The following TLE2 variants were observed in gnomAD, a reference collection of about 807,000 sequenced individuals.
TLE2 encodes the protein TLE family member 2, transcriptional corepressor, also known as transducin-like enhancer protein 2.
TLE2 carries 74 observed loss-of-function variants against 97.2 expected under a neutral mutation model. That is an observed-to-expected ratio of 0.76 (90% CI 0.63 to 0.92). The LOEUF is 0.92. TLE2 is among the 40% of genes least tolerant of loss of function. The pLI, the probability that TLE2 is intolerant of heterozygous loss-of-function variation, is 0.00. For synonymous variants in TLE2, 499 were observed against 432.1 expected, an observed-to-expected ratio of 1.15 and a Z score of -1.92; for missense variants, 1,038 against 1,008.7, an observed-to-expected ratio of 1.03 and a Z score of -0.39.
At chr19:3,011,530 A>C (rs2089596335) in intron 11 of TLE2, among the ~76,000 whole-genome samples, 1 of 69,626 alleles carries the variant, frequency 1.4e-5, no homozygotes, top group African/African-American at 6.9e-5. Flanking sequence ...ACTCCATCTC[A>C]AAAAAAAAAA....
At position 3,019,545 on chromosome 19, in the gene TLE2, G is replaced by T. The variant is rs965287421; in HGVS notation, c.370-82C>A. 1.0e-5 allele frequency: 15 copies of T among 1,486,330 alleles called. No homozygotes were observed. Among genetic ancestry groups the T allele is most frequent in the Non-Finnish European group, 1.3e-5 (15 of 1,116,658 alleles). 92.1% of individuals were successfully genotyped at this position (1,486,330 alleles called of 1,614,324 possible). A position where few individuals can be genotyped will look rare whatever the true frequency, so the allele number is the denominator to read the frequency against. ...CCCAGCCCAAGAGGTAGACACAGGG[G>T]ATGGGACCTAAGCACAGCATGTGCC... On this transcript the variant is annotated intron_variant, in intron 6 of 19. Coordinates refer to ENST00000262953, the MANE Select transcript of TLE2 (RefSeq NM_003260.5). This position sits in a 1 kb window ranked among gnomAD's most constrained non-coding sequence, Gnocchi z 5.1.
At chr19:3,002,969 G>A (rs898587806) in intron 17 of TLE2, among the ~76,000 whole-genome samples, 7 of 152,122 alleles carry the variant, frequency 4.6e-5, no homozygotes, top group African/African-American at 1.4e-4. Flanking sequence ...AAAGTGCTGG[G>A]ACTACAGGTG....
intron 1 of TLE2, among the ~76,000 whole-genome samples, chr19:3,040,291 G>A (rs954412569): frequency 6.6e-6 from 1 of 152,106 alleles, no homozygotes. Context: ...GCACAGATGG[G>A]GGTTGAACAA....
At chr19:3,008,604 C>A (rs898520389) in intron 14 of TLE2, among the ~76,000 whole-genome samples, 7 of 152,288 alleles carry the variant, frequency 4.6e-5, no homozygotes, top group African/African-American at 1.7e-4. Context: ...GTGCCCGCCA[C>A]CACGTCCGGC....
At chr19:3,001,056 T>C (rs1398438995) in intron 18 of TLE2, among the ~76,000 whole-genome samples, 2 of 151,908 alleles carry the variant, frequency 1.3e-5, no homozygotes, top group East Asian at 1.9e-4. Flanking sequence ...CTGGGTCACT[T>C]GAGGTCAGGA....
At chr19:3,035,676 C>T (rs1215083917) in intron 1 of TLE2, among the ~76,000 whole-genome samples, 1 of 152,162 alleles carries the variant, frequency 6.6e-6, no homozygotes, top group Non-Finnish European at 1.5e-5. Flanking sequence ...CCAATCCGCT[C>T]GCGACGCTCC....
In TLE2 at chr19:3,019,251, C is replaced by A; in HGVS notation, c.550+32G>T. On this transcript the variant is annotated intron_variant, in intron 7 of 19. Transcript: ENST00000262953. This position sits in a 1 kb window ranked among gnomAD's most constrained non-coding sequence, Gnocchi z 5.1. Reference sequence around the variant, plus strand: ...AGTCGTCCTCCCCAGCCCCGTCTCCCCAGCCAATGCCACCCCGTGCTGCCC... The same window carrying A: ...AGTCGTCCTCCCCAGCCCCGTCTCCACAGCCAATGCCACCCCGTGCTGCCC... The A allele has an allele frequency of 6.4e-7, 1 of 1,557,360 alleles. No homozygotes were observed. Among genetic ancestry groups the A allele is most frequent in the Admixed American group, 1.9e-5 (1 of 53,916 alleles).
At chr19:3,044,932 G>C (rs1415608239) in intron 1 of TLE2, among the ~76,000 whole-genome samples, 1 of 152,178 alleles carries the variant, frequency 6.6e-6, no homozygotes, top group African/African-American at 2.4e-5. Context: ...AAGAATGCAG[G>C]GAAAGCCGGG....
chr19:2,999,457 G>A (rs1181225336), intron 19 of TLE2, among the ~76,000 whole-genome samples: 2 of 152,166 alleles, frequency 1.3e-5, no homozygotes, highest in African/African-American at 2.4e-5. Flanking sequence ...GCTGGGTGTG[G>A]TGGCTCACAC....
At chr19:3,024,003 T>A (rs1347742361) in intron 5 of TLE2, among the ~76,000 whole-genome samples, 1 of 150,054 alleles carries the variant, frequency 6.7e-6, no homozygotes, top group African/African-American at 2.4e-5. Context: ...ACTTTTTTTT[T>A]TTTTTTTTTT....
At chr19:3,035,503 T>A (rs981675381) in intron 1 of TLE2, among the ~76,000 whole-genome samples, 1 of 151,072 alleles carries the variant, frequency 6.6e-6, no homozygotes, top group African/African-American at 2.4e-5. Flanking sequence ...GGTTCCTGGC[T>A]AGGGTTTTAC....
At position 3,000,686 on chromosome 19, in the gene TLE2, G is replaced by A. The variant is rs1311783656; in HGVS notation, c.2085C>T (p.Leu695=). The A allele has an allele frequency of 6.3e-7, 1 of 1,594,626 alleles. No homozygotes were observed. Among genetic ancestry groups the A allele is most frequent in the Non-Finnish European group, 8.5e-7 (1 of 1,170,946 alleles). Reference sequence around the variant, plus strand: ...CCCCGTACGGCGTCCTCCAGGCGTTGAGCAGGTTGTCCTTCCCGGTGCTCA... The same window carrying A: ...CCCCGTACGGCGTCCTCCAGGCGTTAAGCAGGTTGTCCTTCCCGGTGCTCA... ...WFVSTGKDNL[L]NAWRTPYGAS... Residue 695 remains leucine (L), a synonymous_variant, in exon 19 of 20, where the codon CTC becomes CTT. Transcript: ENST00000262953.
At chr19:3,006,072 T>A (rs372734700) in intron 15 of TLE2, 104 bp from the exon 16 acceptor site, 11 of 1,383,310 alleles carry the variant, frequency 8.0e-6, no homozygotes, top group Non-Finnish European at 1.1e-5. Flanking sequence ...AGCCTCATCC[T>A]GATTAGCCTG....
upstream of TLE2, among the ~76,000 whole-genome samples, chr19:3,034,206 G>A (rs945359141): frequency 1.3e-5 from 2 of 151,578 alleles, no homozygotes; most frequent in African/African-American, 2.4e-5. Context: ...ACCCTCCTCC[G>A]TTCTCCCCAC....
At chr19:3,033,291 C>A (rs2090040007), upstream of TLE2, among the ~76,000 whole-genome samples, 1 of 152,104 alleles carries the variant, frequency 6.6e-6, no homozygotes, top group African/African-American at 2.4e-5. Flanking sequence ...CCTCAGCCTC[C>A]CAAGTAGCTG....
chr19:3,038,161 A>G (rs897301072), intron 1 of TLE2, among the ~76,000 whole-genome samples: 1 of 152,128 alleles, frequency 6.6e-6, no homozygotes, highest in East Asian at 1.9e-4. Flanking sequence ...AATAATGCAT[A>G]GTAAATGCTC....
intron 19 of TLE2, among the ~76,000 whole-genome samples, chr19:2,999,487 G>T (rs2089301865): frequency 6.6e-6 from 1 of 152,076 alleles, no homozygotes. Flanking sequence ...CAGCACTTTG[G>T]GAGGCCAAGG....
chr19:2,998,708 C>T (rs553537091), intron 19 of TLE2, among the ~76,000 whole-genome samples: 24 of 152,316 alleles, frequency 1.6e-4, no homozygotes, highest in Admixed American at 4.6e-4. Flanking sequence ...CCACCGCGCC[C>T]GGCAGAGCGA....
At chr19:3,003,912 G>A (rs1414762980) in intron 17 of TLE2, among the ~76,000 whole-genome samples, 1 of 152,076 alleles carries the variant, frequency 6.6e-6, no homozygotes, top group African/African-American at 2.4e-5. Context: ...TCTCCATGTT[G>A]GTCAGGCTGG....
Sources: allele counts gnomAD v4.1 joint callset (sites outside exome capture counted in the v4.1 genomes callset), GRCh38; gene constraint gnomAD v4.1.1; non-coding constraint Gnocchi (gnomAD v3.1); transcripts MANE v1.5; gene names NCBI Gene and HGNC (gene_info 2026-07-23, HGNC 2026-07-21).